The following VCPIP1 variants were observed in gnomAD, a reference collection of about 807,000 sequenced individuals.
VCPIP1 encodes deubiquitinating protein VCPIP1.
VCPIP1 carries 8 observed loss-of-function variants against 85.0 expected under a neutral mutation model. That is an observed-to-expected ratio of 0.09 (90% CI 0.06 to 0.17). VCPIP1 has a LOEUF of 0.17. Ranked by LOEUF, VCPIP1 falls within the 10% of genes least tolerant of loss-of-function variation. The pLI is 1.00. For synonymous variants in VCPIP1, 543 were observed against 544.5 expected (o/e 1.00, Z 0.04); for missense variants, 1,070 against 1,486.3 (o/e 0.72, Z 4.61).
chr8:66,648,529 CT>C (rs1811018871), intron 2 of VCPIP1, among the ~76,000 whole-genome samples: 3 of 8,522 alleles, frequency 3.5e-4, no homozygotes, highest in South Asian at 6.1e-3. Context: ...TGTATCTAAT[CT>C]ATCTATCTAT....
At chr8:66,647,367 GTAAA>G (rs772009604) in intron 2 of VCPIP1, among the ~76,000 whole-genome samples, 40 of 151,224 alleles carry the variant, frequency 2.6e-4, no homozygotes, top group Non-Finnish European at 4.7e-4. Flanking sequence ...AAATAAGTAA[GTAAA>G]TAAATAAATA....
At chr8:66,639,321 CTTTTTTTTT>C (rs57563619) in intron 2 of VCPIP1, among the ~76,000 whole-genome samples, 1 of 67,808 alleles carries the variant, frequency 1.5e-5, no homozygotes, top group African/African-American at 6.6e-5. Flanking sequence ...TAATTTTATT[CTTTTTTTTT>C]TTTTTTTTTT....
At chr8:66,650,862 A>G (rs1368361071) in intron 2 of VCPIP1, among the ~76,000 whole-genome samples, 1 of 129,152 alleles carries the variant, frequency 7.7e-6, no homozygotes, top group African/African-American at 3.2e-5. Flanking sequence ...CTTCGTCTCA[A>G]AAAAAAAAAA....
chr8:66,659,862 T>C (rs1811139224), intron 1 of VCPIP1, among the ~76,000 whole-genome samples: 1 of 151,866 alleles, frequency 6.6e-6, no homozygotes, highest in Non-Finnish European at 1.5e-5. Context: ...GAAGCAGAGG[T>C]TGCAGTGAGC....
Position 66,666,488 on chromosome 8 carries a change from C to G in VCPIP1, c.471G>C (p.Leu157=), listed in dbSNP as rs1306566153. ...GGTCACCCAGTAAGGCGCAATCGAACAGTTCGCCCTGGTTCATGTCCCGGA... is the reference window on the plus strand; with the variant it reads ...GGTCACCCAGTAAGGCGCAATCGAAGAGTTCGCCCTGGTTCATGTCCCGGA... The part of the protein sequence containing the change: ...KLLRDMNQGE[L]FDCALLGDRA... The change falls in exon 1 of 3, where the codon CTG becomes CTC. Residue 157 remains leucine, a synonymous_variant. Transcript: ENST00000310421. The surrounding 1 kb of genome is among the most constrained non-coding windows in gnomAD (Gnocchi z 6.3). 1.2e-6 allele frequency: 2 copies of G among 1,614,088 alleles called. No individual in the cohort carries two copies. Among genetic ancestry groups the G allele is most frequent in the South Asian group, 2.2e-5 (2 of 91,086 alleles).
At position 66,666,992 on chromosome 8, in the gene VCPIP1, A is replaced by C; in HGVS notation, c.-34T>G. ...GCTCTCGTGTCTCGCTCCGCGTCCC[A>C]GGCGACCCTCAAAAGCTCATAGCCC... On this transcript the variant is annotated 5_prime_UTR_variant, in exon 1 of 3. Coordinates refer to ENST00000310421, the MANE Select transcript of VCPIP1 (RefSeq NM_025054.5). This position sits in a 1 kb window ranked among gnomAD's most constrained non-coding sequence, Gnocchi z 6.3. 1.3e-6 allele frequency: 2 copies of C among 1,488,636 alleles called. No homozygotes were observed. Among genetic ancestry groups the C allele is most frequent in the South Asian group, 2.7e-5 (2 of 72,858 alleles). The allele number at this position is 1,488,636 out of a possible 1,614,324, so 92.2% of individuals were successfully genotyped here.
rs1393403436 is a variant in VCPIP1, at chr8:66,630,750, A to G, written c.*3751T>C. On this transcript the variant is annotated 3_prime_UTR_variant, in exon 3 of 3. Coordinates refer to ENST00000310421, the MANE Select transcript of VCPIP1 (RefSeq NM_025054.5). ...TCTGCTATTTTGGAACAAACATTAA[A>G]ATTCCCACGATTTAAGTATCATTAA... 6.6e-6 allele frequency: 1 copy of G among 152,568 alleles called. No individual in the cohort carries two copies. The highest frequency in any genetic ancestry group is 1.5e-5 in the Non-Finnish European group (1 of 67,982). 9.5% of individuals were successfully genotyped at this position (152,568 alleles called of 1,614,324 possible).
In VCPIP1 at chr8:66,666,490, G is replaced by C; in HGVS notation, c.469C>G (p.Leu157Val). 1 of 1,614,180 alleles carries C rather than the reference G, an allele frequency of 6.2e-7. No homozygotes were observed. The change falls in exon 1 of 3, where the codon CTG becomes GTG. Residue 157 changes from leucine (L) to valine (V), a missense_variant. By Grantham distance (32) the Leu-to-Val change is conservative. This residue lies in a region of VCPIP1 where 118 missense variants were observed against 337.1 expected (regional missense o/e 0.35). Transcript: ENST00000310421. This position sits in a 1 kb window ranked among gnomAD's most constrained non-coding sequence, Gnocchi z 6.3. ...TCACCCAGTAAGGCGCAATCGAACA[G>C]TTCGCCCTGGTTCATGTCCCGGAGA... ...KLLRDMNQGELFDCALLGDRA... is the reference protein window; with the variant it reads ...KLLRDMNQGEVFDCALLGDRA...
In VCPIP1 at chr8:66,632,798, G is replaced by C. The variant is rs1586619734; in HGVS notation, c.*1703C>G. On this transcript the variant is annotated 3_prime_UTR_variant, in exon 3 of 3. Transcript: ENST00000310421. ...CTTTACTAAGTAGTAAATAGTATTT[G>C]GTAGCTACAGCTCTTATTTTATGCA... The C allele has an allele frequency of 6.6e-6, 1 of 151,960 alleles. No homozygotes were observed. Among genetic ancestry groups the C allele is most frequent in the Non-Finnish European group, 1.5e-5 (1 of 67,914 alleles). 9.4% of individuals were successfully genotyped at this position (151,960 alleles called of 1,614,324 possible).
In VCPIP1 at chr8:66,666,974, T is replaced by A. The variant is rs1811223767; in HGVS notation, c.-16A>T. ...GCTGAGACATAGCTCCTGGCTCTCG[T>A]GTCTCGCTCCGCGTCCCAGGCGACC... On this transcript the variant is annotated 5_prime_UTR_variant, in exon 1 of 3. Coordinates refer to ENST00000310421, the MANE Select transcript of VCPIP1 (RefSeq NM_025054.5). This position sits in a 1 kb window ranked among gnomAD's most constrained non-coding sequence, Gnocchi z 6.3. 1.3e-6 allele frequency: 2 copies of A among 1,523,400 alleles called. No individual in the cohort carries two copies. Among genetic ancestry groups the A allele is most frequent in the Non-Finnish European group, 1.7e-6 (2 of 1,143,804 alleles). The allele number at this position is 1,523,400 out of a possible 1,614,324, so 94.4% of individuals were successfully genotyped here.
Position 66,634,802 on chromosome 8 carries a change from T to C in VCPIP1, c.3368A>G (p.His1123Arg). ...VSSIQASMDR[H>R]LRDQSTEQSP... ...CTGCTCTGTACTTTGATCCCGAAGG[T>C]GCCTGTCCATTGAAGCCTGAATAGA... The change falls in exon 3 of 3, where the codon CAC becomes CGC. Residue 1123 changes from histidine to arginine, a missense_variant. Transcript: ENST00000310421. 1 of 1,614,192 alleles carries C rather than the reference T, an allele frequency of 6.2e-7. No individual in the cohort carries two copies. Among genetic ancestry groups the C allele is most frequent in the Non-Finnish European group, 8.5e-7 (1 of 1,180,030 alleles).
intron 1 of VCPIP1, among the ~76,000 whole-genome samples, chr8:66,655,825 A>G (rs561548767): frequency 6.6e-6 from 1 of 152,260 alleles, no homozygotes; most frequent in South Asian, 2.1e-4. Flanking sequence ...TTTTTACTTT[A>G]TAATTCAACT....
rs116243031 is a variant in VCPIP1 at position 66,629,387 on chromosome 8, C to T, written c.*5114G>A. 6.6e-6 allele frequency: 1 copy of T among 152,254 alleles called. No homozygotes were observed. The highest frequency in any genetic ancestry group is 2.4e-5 in the African/African-American group (1 of 41,560). The allele number at this position is 152,254 out of a possible 1,614,324, so 9.4% of individuals were successfully genotyped here. On this transcript the variant is annotated 3_prime_UTR_variant, in exon 3 of 3. Transcript: ENST00000310421. ...AACTTGGAAGTAAACGTGTTGACTG[C>T]TAAGCTACACAAACGTTATTTAGTA...
At chr8:66,652,721 T>C (rs1366443763) in intron 1 of VCPIP1, among the ~76,000 whole-genome samples, 1 of 152,162 alleles carries the variant, frequency 6.6e-6, no homozygotes, top group Non-Finnish European at 1.5e-5. Context: ...TCAGTACTTA[T>C]TTCAGTAAGA....
rs1347624828 is a variant in VCPIP1 at position 66,633,438 on chromosome 8, C to G, written c.*1063G>C. The stretch of plus-strand genomic sequence containing the variant: ...AGGAATAAGCATGAAAGCTGCTTCT[C>G]AAGGAAACTGGCACTGAAGATTTGA... On this transcript the variant is annotated 3_prime_UTR_variant, in exon 3 of 3. Coordinates refer to ENST00000310421, the MANE Select transcript of VCPIP1 (RefSeq NM_025054.5). 1 of 152,290 alleles carries G rather than the reference C, an allele frequency of 6.6e-6. No homozygotes were observed. The highest frequency in any genetic ancestry group is 2.4e-5 in the African/African-American group (1 of 41,370). 9.4% of individuals were successfully genotyped at this position (152,290 alleles called of 1,614,324 possible).
In VCPIP1 at chr8:66,667,162, C is replaced by T; in HGVS notation, c.-204G>A. ...CTTCTCCACTGCCGTAGCCGTTGCCCCGAACGTAACGGCCACCACCCCACC... is the reference window on the plus strand; with the variant it reads ...CTTCTCCACTGCCGTAGCCGTTGCCTCGAACGTAACGGCCACCACCCCACC... On this transcript the variant is annotated 5_prime_UTR_variant, in exon 1 of 3. Coordinates refer to ENST00000310421, the MANE Select transcript of VCPIP1 (RefSeq NM_025054.5). 8.5e-7 allele frequency: 1 copy of T among 1,179,962 alleles called. No individual in the cohort carries two copies. The highest frequency in any genetic ancestry group is 2.7e-5 in the East Asian group (1 of 37,108). 73.1% of individuals were successfully genotyped at this position (1,179,962 alleles called of 1,614,324 possible). A position where few individuals can be genotyped will look rare whatever the true frequency, so the allele number is the denominator to read the frequency against.
rs189973087 is a variant in VCPIP1 at position 66,641,449 on chromosome 8, C to T, written c.2798-6077G>A. ...GTGGTAGTGCAATCATAGCTCACTGCGATCTGGGTTCAACAGATCCTTCCA... is the reference window on the plus strand; with the variant it reads ...GTGGTAGTGCAATCATAGCTCACTGTGATCTGGGTTCAACAGATCCTTCCA... On this transcript the variant is annotated intron_variant, in intron 2 of 2. Coordinates refer to ENST00000310421, the MANE Select transcript of VCPIP1 (RefSeq NM_025054.5). Among the ~76,000 whole-genome samples, 272 of 152,162 alleles carry T rather than the reference C, an allele frequency of 1.8e-3. 1 individual carries two copies. Among genetic ancestry groups the T allele is most frequent in the Non-Finnish European group, 3.4e-3 (232 of 68,012 alleles).
At position 66,667,004 on chromosome 8, in the gene VCPIP1, A is replaced by C; in HGVS notation, c.-46T>G. ...CGCTCCGCGTCCCAGGCGACCCTCAAAAGCTCATAGCCCAGACCCCCACCA... is the reference window on the plus strand; with the variant it reads ...CGCTCCGCGTCCCAGGCGACCCTCACAAGCTCATAGCCCAGACCCCCACCA... On this transcript the variant is annotated 5_prime_UTR_variant, in exon 1 of 3. Transcript: ENST00000310421. The C allele has an allele frequency of 6.8e-7, 1 of 1,472,954 alleles. No homozygotes were observed. Among genetic ancestry groups the C allele is most frequent in the Non-Finnish European group, 8.9e-7 (1 of 1,118,868 alleles). 91.2% of individuals were successfully genotyped at this position (1,472,954 alleles called of 1,614,324 possible).
rs767202050 is a variant in VCPIP1 at position 66,648,649 on chromosome 8, G to A, written c.2797+2809C>T. On this transcript the variant is annotated intron_variant, in intron 2 of 2. Coordinates refer to ENST00000310421, the MANE Select transcript of VCPIP1 (RefSeq NM_025054.5). Reference sequence around the variant, plus strand: ...GGCTCACTACTACCTCCACCTCCTGGGTTCAAGCAATTCTCGGGTCTCAGC... The same window carrying A: ...GGCTCACTACTACCTCCACCTCCTGAGTTCAAGCAATTCTCGGGTCTCAGC... Among the ~76,000 whole-genome samples the A allele has an allele frequency of 3.3e-5, 5 of 151,902 alleles. No individual in the cohort carries two copies. In the South Asian group the frequency reaches 8.3e-4, roughly 25 times the overall value.
Sources: gnomAD v4.1 joint callset for allele counts (sites outside exome capture counted in the v4.1 genomes callset) on GRCh38, gnomAD v4.1.1 for gene constraint, gnomAD v4.1.1 regional missense constraint, Gnocchi (gnomAD v3.1) non-coding constraint, MANE v1.5 for transcripts, NCBI Gene and HGNC (gene_info 2026-07-23, HGNC 2026-07-21) for gene names.